HIF3A: variants seen among roughly 807,000 people sequenced by gnomAD.
HIF3A encodes the protein hypoxia-inducible factor 3-alpha.
HIF3A carries 41 observed loss-of-function variants against 67.2 expected under a neutral mutation model. That is an observed-to-expected ratio of 0.61 (90% CI 0.48 to 0.79). The LOEUF (loss-of-function observed/expected upper bound fraction) is 0.79, where lower values mean the gene tolerates loss of function less well. HIF3A is among the 30% of genes least tolerant of loss of function. The pLI is 0.00. For synonymous variants in HIF3A, 356 were observed against 374.8 expected (o/e 0.95, Z 0.58); for missense variants, 855 against 898.0 (o/e 0.95, Z 0.61).
chr19:46,337,492 C>T (rs557533863), intron 14 of HIF3A, among the ~76,000 whole-genome samples: 27 of 152,192 alleles, frequency 1.8e-4, no homozygotes, highest in Non-Finnish European at 3.7e-4. Context: ...TGGTCTCAAA[C>T]TCCTGGGCTC....
At chr19:46,305,424 G>T in intron 3 of HIF3A, 34 bp downstream of exon 3, 1 of 1,604,690 alleles carries the variant, frequency 6.2e-7, no homozygotes, top group Admixed American at 1.7e-5. Flanking sequence ...GCCTGGCCCT[G>T]TACTGGTGAT....
rs1018164304 is a variant in HIF3A, at chr19:46,315,382, A to G, written c.1025+2729A>G. On this transcript the variant is annotated intron_variant, in intron 8 of 14. Coordinates refer to ENST00000377670, the MANE Select transcript of HIF3A (RefSeq NM_152795.4). ...GCGCCCAGCCCATGTTGTGGTTTAT[A>G]TCAGTAGTTCCTTTGTAAATAGTGA... Among the ~76,000 whole-genome samples, 5 of 147,214 alleles carry G rather than the reference A, an allele frequency of 3.4e-5. 2 individuals are homozygous for G. In the Middle Eastern group the frequency reaches 0.014, roughly 412 times the overall value.
At chr19:46,302,928 T>A (rs972119188) in intron 1 of HIF3A, among the ~76,000 whole-genome samples, 4 of 152,154 alleles carry the variant, frequency 2.6e-5, no homozygotes, top group African/African-American at 9.7e-5. Context: ...GACCTGGAGT[T>A]TGAATTTGAA....
chr19:46,312,935 T>C, intron 8 of HIF3A: 1 of 1,080,896 alleles, frequency 9.3e-7, no homozygotes, highest in Non-Finnish European at 1.1e-6. Flanking sequence ...CTTAAGTGGA[T>C]TGTTAATTCA....
chr19:46,303,000 T>C (rs16980431), intron 1 of HIF3A, among the ~76,000 whole-genome samples: 19,236 of 152,114 alleles, frequency 0.13, 1,514 homozygotes, highest in East Asian at 0.22. Context: ...CCCATAGAGA[T>C]AGAGAAAATT....
chr19:46,334,814 C>T (rs771733526), intron 13 of HIF3A, 91 bp from the exon 14 acceptor site: 16 of 1,074,928 alleles, frequency 1.5e-5, no homozygotes, highest in Middle Eastern at 2.1e-4. Context: ...CCTCAGCCCC[C>T]GAAAGTGCTG....
intron 3 of HIF3A, 100 bp downstream of exon 3, chr19:46,305,490 A>G: frequency 8.8e-7 from 1 of 1,140,986 alleles, no homozygotes; most frequent in Non-Finnish European, 1.3e-6. Context: ...TGGGACTCAC[A>G]ATACAAAGGG....
chr19:46,324,065 C>G (rs1970583038), intron 10 of HIF3A, among the ~76,000 whole-genome samples: 1 of 152,166 alleles, frequency 6.6e-6, no homozygotes, highest in Admixed American at 6.5e-5. Context: ...ATCCAGTTCT[C>G]TGAACTTTGA....
At position 46,309,271 on chromosome 19, in the gene HIF3A, C is replaced by A. The variant is rs774690323; in HGVS notation, c.682C>A (p.His228Asn). Reference protein sequence around the residue: ...CLVLICEAIPHPGSLEPPLGR... With the variant: ...CLVLICEAIPNPGSLEPPLGR... ...GGTGCTCATCTGCGAAGCCATCCCCCACCCAGGCAGCCTGGAGCCCCCACT... is the reference window on the plus strand; with the variant it reads ...GGTGCTCATCTGCGAAGCCATCCCCAACCCAGGCAGCCTGGAGCCCCCACT... The change falls in exon 6 of 15, where the codon CAC becomes AAC. Residue 228 changes from histidine to asparagine, a missense_variant. Physicochemically the swap from His to Asn is moderately conservative, Grantham distance 68. Transcript: ENST00000377670. 37 of 1,613,708 alleles carry A rather than the reference C, an allele frequency of 2.3e-5. No individual in the cohort carries two copies. The highest frequency in any genetic ancestry group is 1.5e-4 in the African/African-American group (11 of 74,930).
intron 6 of HIF3A, 111 bp downstream of exon 6, chr19:46,309,470 C>T (rs942081831): frequency 1.5e-6 from 1 of 664,298 alleles, no homozygotes; most frequent in Admixed American, 2.9e-5. Context: ...TCACTTCATC[C>T]ATCTCTCTCT....
At chr19:46,303,673 C>T in intron 1 of HIF3A, 1 of 1,587,584 alleles carries the variant, frequency 6.3e-7, no homozygotes, top group Non-Finnish European at 8.6e-7. Flanking sequence ...GCACCATGGA[C>T]TGGCAAGACC....
At chr19:46,312,712 G>GGGGTGT (rs1555780979) in intron 8 of HIF3A, 59 bp downstream of exon 8, 35 of 1,433,550 alleles carry the variant, frequency 2.4e-5, no homozygotes, top group Non-Finnish European at 3.1e-5. Context: ...TGTGTGGACA[G>GGGGTGT]GTGTGTGTGT....
Position 46,339,580 on chromosome 19 carries a change from G to C in HIF3A, c.1968G>C (p.Gly656=). Residue 656 remains glycine, a synonymous_variant, in exon 15 of 15, where the codon GGG becomes GGC. Transcript: ENST00000377670. ...CAGACGAGGACACTACCCAGCCCGG[G>C]GGCCCCTTCCAGCCAAGGGCAGGCT... The part of the protein sequence containing the change: ...PYSDEDTTQP[G]GPFQPRAGSA... 2 of 1,608,386 alleles carry C rather than the reference G, an allele frequency of 1.2e-6. No individual in the cohort carries two copies. Among genetic ancestry groups the C allele is most frequent in the Non-Finnish European group, 1.7e-6 (2 of 1,176,724 alleles).
At chr19:46,308,543 TGGTTCCA>T in intron 4 of HIF3A, 113 bp from the exon 5 acceptor site, 1 of 669,808 alleles carries the variant, frequency 1.5e-6, no homozygotes, top group South Asian at 1.9e-5. Context: ...GGACCCTCTC[TGGTTCCA>T]GGTCCCAATT....
chr19:46,307,880 C>T (rs139874370), intron 3 of HIF3A, among the ~76,000 whole-genome samples: 12 of 151,768 alleles, frequency 7.9e-5, no homozygotes, highest in African/African-American at 1.2e-4. Flanking sequence ...AAGTCATGAT[C>T]GCGCCACTGC....
chr19:46,329,071 CA>C, intron 11 of HIF3A, 135 bp from the exon 12 acceptor site: 1 of 787,902 alleles, frequency 1.3e-6, no homozygotes, highest in Non-Finnish European at 2.0e-6. Context: ...TCCTTATACC[CA>C]TTTTACAGAT....
rs926576266 is a variant in HIF3A, at chr19:46,303,987, A to T, written c.116A>T (p.His39Leu). The T allele has an allele frequency of 1.2e-6, 2 of 1,601,264 alleles. No individual in the cohort carries two copies. The highest frequency in any genetic ancestry group is 2.7e-5 in the African/African-American group (2 of 74,688). The change falls in exon 2 of 15, where the codon CAC (histidine) becomes CTC (leucine). Residue 39 changes from histidine (H) to leucine (L), a missense_variant. Physicochemically the swap from His to Leu is moderately conservative, Grantham distance 99. Transcript: ENST00000377670. Reference sequence around the variant, plus strand: ...ACCGAGGTGCTGTACCAGCTGGCTCACACGCTGCCCTTCGCCCGCGGCGTC... The same window carrying T: ...ACCGAGGTGCTGTACCAGCTGGCTCTCACGCTGCCCTTCGCCCGCGGCGTC... ...QETEVLYQLA[H>L]TLPFARGVSA...
At chr19:46,339,065 G>A (rs1971827090) in intron 14 of HIF3A, among the ~76,000 whole-genome samples, 1 of 151,512 alleles carries the variant, frequency 6.6e-6, no homozygotes, top group Non-Finnish European at 1.5e-5. Context: ...TTTGTTAAAT[G>A]CCCAGACACG....
intron 13 of HIF3A, among the ~76,000 whole-genome samples, chr19:46,331,998 C>T (rs956705692): frequency 3.9e-5 from 6 of 152,088 alleles, no homozygotes; most frequent in Non-Finnish European, 8.8e-5. Context: ...AGGTCTTGGC[C>T]TTGGATTACT....
Sources: allele counts gnomAD v4.1 joint callset (sites outside exome capture counted in the v4.1 genomes callset), GRCh38; gene constraint gnomAD v4.1.1; transcripts MANE v1.5; gene names NCBI Gene and HGNC (gene_info 2026-07-23, HGNC 2026-07-21).